Variants in DHODH observed in about 807,000 individuals in gnomAD.
The protein encoded by DHODH is dihydroorotate dehydrogenase (quinone), also known as dihydroorotate dehydrogenase (quinone), mitochondrial.
A neutral mutation model predicts 39.7 loss-of-function variants in DHODH; 30 were observed. That is an observed-to-expected ratio of 0.76 (90% CI 0.57 to 1.02). DHODH has a LOEUF of 1.02. DHODH is among the 50% of genes least tolerant of loss of function. DHODH has a pLI of 0.00. For missense variants in DHODH, 531 were observed against 520.8 expected (o/e 1.02, Z -0.19); for synonymous variants, 222 against 213.8 (o/e 1.04, Z -0.34).
chr16:72,014,729 A>G (rs530854110), intron 3 of DHODH, 57 bp downstream of exon 3: 1 of 1,544,326 alleles, frequency 6.5e-7, no homozygotes, highest in East Asian at 2.3e-5. Flanking sequence ...GGGGGCGTTC[A>G]GAGATATAAG....
intron 1 of DHODH, among the ~76,000 whole-genome samples, chr16:72,010,673 GCTT>G (rs1489119350): frequency 6.6e-6 from 1 of 152,168 alleles, no homozygotes; most frequent in Non-Finnish European, 1.5e-5. Flanking sequence ...AAGATCTGAA[GCTT>G]CTGTTTTATA....
intron 4 of DHODH, among the ~76,000 whole-genome samples, chr16:72,018,790 A>G (rs2041172022): frequency 6.6e-6 from 1 of 152,148 alleles, no homozygotes; most frequent in Non-Finnish European, 1.5e-5. Context: ...TAACTCCCAA[A>G]TCTTGTCAGT....
chr16:72,021,398 C>T, intron 5 of DHODH, 87 bp downstream of exon 5: 5 of 1,427,276 alleles, frequency 3.5e-6, no homozygotes, highest in Admixed American at 2.0e-5. Flanking sequence ...CCTTCAGCAT[C>T]ACCCTCAGAA....
In DHODH at chr16:72,017,054, G is replaced by T; in HGVS notation, c.465G>T (p.Val155=). The change falls in exon 4 of 9, where the codon GTG becomes GTT. Residue 155 remains valine, a synonymous_variant. Transcript: ENST00000219240. The part of the protein sequence containing the change: ...RYGFNSHGLS[V]VEHRLRARQQ... ...GATTTAACAGTCACGGGCTTTCAGT[G>T]GTGGAACACAGGTTACGGGCCAGAC... 1.2e-6 allele frequency: 2 copies of T among 1,614,090 alleles called. No homozygotes were observed. The highest frequency in any genetic ancestry group is 1.1e-5 in the South Asian group (1 of 91,080).
At chr16:72,017,217 A>T (rs2041151890) in intron 4 of DHODH, 111 bp downstream of exon 4, 2 of 1,111,846 alleles carry the variant, frequency 1.8e-6, no homozygotes, top group Non-Finnish European at 1.3e-6. Context: ...AGCAAAAACC[A>T]CTGAGGACCT....
intron 5 of DHODH, 77 bp from the exon 6 acceptor site, chr16:72,022,285 A>C: frequency 9.6e-7 from 1 of 1,044,086 alleles, no homozygotes; most frequent in Non-Finnish European, 1.4e-6. Flanking sequence ...AAACCCACTG[A>C]CCTGCAGCGT....
intron 6 of DHODH, among the ~76,000 whole-genome samples, chr16:72,022,886 G>A (rs2041236286): frequency 6.6e-6 from 1 of 152,186 alleles, no homozygotes; most frequent in African/African-American, 2.4e-5. Context: ...TACTACCTGG[G>A]GGCCTCAGAC....
At chr16:72,011,456 T>A (rs1000579100) in intron 1 of DHODH, among the ~76,000 whole-genome samples, 10 of 152,168 alleles carry the variant, frequency 6.6e-5, no homozygotes, top group African/African-American at 2.4e-4. Flanking sequence ...CTGGGCAACA[T>A]AAAGAGGCTC....
At chr16:72,018,137 T>C (rs2041163758) in intron 4 of DHODH, among the ~76,000 whole-genome samples, 1 of 152,204 alleles carries the variant, frequency 6.6e-6, no homozygotes, top group Non-Finnish European at 1.5e-5. Flanking sequence ...CTGCCTCACT[T>C]GCTCTCAGGA....
Position 72,022,453 on chromosome 16 carries a change from A to G in DHODH, c.797A>G (p.Asp266Gly), listed in dbSNP as rs1310427651. The change falls in exon 6 of 9, where the codon GAC becomes GGC. Residue 266 changes from aspartate (D) to glycine (G), a missense_variant. Physicochemically the swap from Asp to Gly is moderately conservative, Grantham distance 94. Transcript: ENST00000219240. ...GACCTCACCAGCCAGGATAAGGAGG[A>G]CATTGCCAGTGTGGTCAAAGAGGTT... is the stretch of plus-strand genomic sequence containing the variant. ...APDLTSQDKE[D>G]IASVVKELGI... 1.3e-6 allele frequency: 2 copies of G among 1,554,632 alleles called. No homozygotes were observed. The highest frequency in any genetic ancestry group is 1.7e-6 in the Non-Finnish European group (2 of 1,148,808).
chr16:72,009,830 G>T (rs2041063969), intron 1 of DHODH, among the ~76,000 whole-genome samples: 1 of 152,162 alleles, frequency 6.6e-6, no homozygotes, highest in Non-Finnish European at 1.5e-5. Flanking sequence ...TGGTCAGGCT[G>T]GTCTCGAACT....
chr16:72,021,276 C>A lies in DHODH; in HGVS notation c.670C>A (p.Gln224Lys), dbSNP rs2041214010. 6.2e-7 allele frequency: 1 copy of A among 1,611,906 alleles called. No homozygotes were observed. Among genetic ancestry groups the A allele is most frequent in the African/African-American group, 1.3e-5 (1 of 74,892 alleles). ...CAACACTGCCGGGCTGCGGAGCCTT[C>A]AGGGAAAGGCCGAGCTGCGCCGCCT... ...SPNTAGLRSL[Q>K]GKAELRRLLT... The change falls in exon 5 of 9, where the codon CAG (glutamine) becomes AAG (lysine). Residue 224 changes from glutamine to lysine, a missense_variant. By Grantham distance (53) the Gln-to-Lys change is moderately conservative (BLOSUM62 1). Transcript: ENST00000219240.
chr16:72,018,388 G>C (rs1015466426), intron 4 of DHODH, among the ~76,000 whole-genome samples: 24 of 152,190 alleles, frequency 1.6e-4, no homozygotes, highest in African/African-American at 4.6e-4. Context: ...CAGATTTGGG[G>C]AATAGGAAAT....
intron 4 of DHODH, among the ~76,000 whole-genome samples, chr16:72,019,276 C>A (rs944934739): frequency 6.6e-6 from 1 of 152,148 alleles, no homozygotes; most frequent in Non-Finnish European, 1.5e-5. Context: ...TTCTGATCCC[C>A]TCCTCCAGTC....
At chr16:72,014,216 C>T (rs1465552358) in intron 2 of DHODH, among the ~76,000 whole-genome samples, 1 of 152,170 alleles carries the variant, frequency 6.6e-6, no homozygotes, top group South Asian at 2.1e-4. Context: ...TTTCTCCCCC[C>T]AGGCTTGCTA....
At position 72,014,769 on chromosome 16, in the gene DHODH, A is replaced by G. The variant is rs2041122977; in HGVS notation, c.434+97A>G. 6 of 1,189,356 alleles carry G rather than the reference A, an allele frequency of 5.0e-6. No homozygotes were observed. The Admixed American group carries it at 7.8e-5, about 15-fold the overall frequency. 73.7% of individuals were successfully genotyped at this position (1,189,356 alleles called of 1,614,324 possible). ...GCCTCTGTTTTTTTTCTCTCATACAATGTGGACATTCTTCTGTCATTTGGA... is the reference window on the plus strand; with the variant it reads ...GCCTCTGTTTTTTTTCTCTCATACAGTGTGGACATTCTTCTGTCATTTGGA... On this transcript the variant is annotated intron_variant, in intron 3 of 8. Transcript: ENST00000219240.
chr16:72,017,769 G>GTTTTTTTTTTT (rs1567571747), intron 4 of DHODH, among the ~76,000 whole-genome samples: 58 of 71,884 alleles, frequency 8.1e-4, no homozygotes, highest in Middle Eastern at 9.3e-3. Flanking sequence ...AAAACAACAT[G>GTTTTTTTTTTT]CTTTTTTTTT....
chr16:72,009,533 A>G (rs1256804808), intron 1 of DHODH, among the ~76,000 whole-genome samples: 1 of 150,164 alleles, frequency 6.7e-6, no homozygotes, highest in Non-Finnish European at 1.5e-5. Context: ...AAAAAAAAAA[A>G]AATAGGTGTT....
chr16:72,021,149 G>A lies in DHODH; in HGVS notation c.543G>A (p.Leu181=), dbSNP rs200890010. The change falls in exon 5 of 9, where the codon TTG becomes TTA. Residue 181 remains leucine (L), a synonymous_variant. Transcript: ENST00000219240. Reference sequence around the variant, plus strand: ...ATGGACTGCCTCTGGGGGTCAACTTGGGGAAGAACAAGACCTCAGTGGACG... The same window carrying A: ...ATGGACTGCCTCTGGGGGTCAACTTAGGGAAGAACAAGACCTCAGTGGACG... ...TEDGLPLGVN[L]GKNKTSVDAA... 27 of 1,608,840 alleles carry A rather than the reference G, an allele frequency of 1.7e-5. No homozygotes were observed. In the Admixed American group the frequency reaches 4.5e-4, roughly 27 times the overall value.
Sources: allele counts gnomAD v4.1 joint callset (sites outside exome capture counted in the v4.1 genomes callset), GRCh38; gene constraint gnomAD v4.1.1; transcripts MANE v1.5; gene names NCBI Gene and HGNC (gene_info 2026-07-23, HGNC 2026-07-21).